CEP128: variants seen among roughly 807,000 people sequenced by gnomAD.
The protein encoded by CEP128 is centrosomal protein 128, also known as centrosomal protein 128kDa.
In CEP128, 132 loss-of-function variants were observed where a neutral mutation model predicts 156.7. The ratio of observed to expected loss-of-function variants is 0.84; its 90% CI spans 0.73 to 0.97. The LOEUF is 0.97. Ranked by LOEUF, CEP128 falls within the 50% of genes least tolerant of loss-of-function variation. The probability of loss-of-function intolerance (pLI) is 0.00; values close to 1 mark genes in which losing one functional copy is unlikely to be tolerated. For synonymous variants in CEP128, 469 were observed against 448.9 expected (o/e 1.04, Z -0.57); for missense variants, 1,252 against 1,281.9 (o/e 0.98, Z 0.36).
At chr14:80,873,094 A>C (rs946691794) in intron 8 of CEP128, among the ~76,000 whole-genome samples, 3 of 152,208 alleles carry the variant, frequency 2.0e-5, no homozygotes, top group African/African-American at 7.2e-5. Flanking sequence ...CTGAGTGTAC[A>C]ATTATGTGGG....
intron 16 of CEP128, among the ~76,000 whole-genome samples, chr14:80,767,797 G>A (rs971372540): frequency 1.3e-5 from 2 of 152,134 alleles, no homozygotes; most frequent in Non-Finnish European, 2.9e-5. Context: ...TGGCAAATGG[G>A]AACACTGGCC....
At chr14:80,501,497 C>CTTTTCT (rs915472710) in intron 24 of CEP128, among the ~76,000 whole-genome samples, 3 of 151,710 alleles carry the variant, frequency 2.0e-5, no homozygotes, top group African/African-American at 7.3e-5. Flanking sequence ...TTCTTTCTTT[C>CTTTTCT]TTTTCTTTTT....
rs118099922 is a variant in CEP128 at position 80,905,082 on chromosome 14, A to T, written c.362-151T>A. On this transcript the variant is annotated intron_variant, in intron 5 of 24. Transcript: ENST00000555265. ...TTCCCAAGTATCTTGCTATGGCCAT[A>T]AAGTTCCACCAAATTAGCATTAATC... 5,197 of 562,306 alleles carry T rather than the reference A, an allele frequency of 9.2e-3. 52 individuals are homozygous for T. Among genetic ancestry groups the T allele is most frequent in the Middle Eastern group, 0.013 (32 of 2,418 alleles). The allele number at this position is 562,306 out of a possible 1,614,324, so 34.8% of individuals were successfully genotyped here. A position where few individuals can be genotyped will look rare whatever the true frequency, so the allele number is the denominator to read the frequency against.
chr14:80,663,059 T>C (rs1895465313), intron 19 of CEP128, among the ~76,000 whole-genome samples: 1 of 152,230 alleles, frequency 6.6e-6, no homozygotes, highest in African/African-American at 2.4e-5. Context: ...TGTATTATGT[T>C]TTGTTACAGT....
chr14:80,956,229 A>G (rs1364923529), intron 2 of CEP128, among the ~76,000 whole-genome samples: 1 of 152,256 alleles, frequency 6.6e-6, no homozygotes, highest in Non-Finnish European at 1.5e-5. Context: ...TACCTTGGGT[A>G]ATAAAAAATT....
chr14:80,686,100 G>A (rs1376739903), intron 19 of CEP128, among the ~76,000 whole-genome samples: 2 of 151,880 alleles, frequency 1.3e-5, no homozygotes, highest in South Asian at 2.1e-4. Flanking sequence ...AAACAAAATT[G>A]ATTGGGGACT....
intron 18 of CEP128, among the ~76,000 whole-genome samples, chr14:80,754,730 C>T (rs184307540): frequency 9.2e-5 from 14 of 152,072 alleles, no homozygotes; most frequent in Admixed American, 7.2e-4. Context: ...CCAAAAGTGC[C>T]GGAATTACAG....
chr14:80,775,016 T>C (rs748437088), intron 16 of CEP128, among the ~76,000 whole-genome samples: 2 of 152,174 alleles, frequency 1.3e-5, no homozygotes, highest in Non-Finnish European at 2.9e-5. Context: ...ATTCCATATA[T>C]GCCAATTGGT....
chr14:80,821,996 G>T (rs1885214360), intron 13 of CEP128, among the ~76,000 whole-genome samples: 2 of 152,072 alleles, frequency 1.3e-5, no homozygotes, highest in African/African-American at 2.4e-5. Context: ...CAGATCTCAT[G>T]AGACTTATTC....
intron 19 of CEP128, among the ~76,000 whole-genome samples, chr14:80,700,636 C>T (rs987239259): frequency 6.6e-6 from 1 of 152,028 alleles, no homozygotes; most frequent in Admixed American, 6.6e-5. Flanking sequence ...CCTAGTCATT[C>T]CAACTACCTA....
chr14:80,590,292 C>T (rs910220113), intron 19 of CEP128, among the ~76,000 whole-genome samples: 1 of 151,996 alleles, frequency 6.6e-6, no homozygotes, highest in Non-Finnish European at 1.5e-5. Flanking sequence ...ATAAGGAAAT[C>T]CACATGAAGA....
Position 80,857,764 on chromosome 14 carries a change from AC to A in CEP128, c.762+4992del, listed in dbSNP as rs1248450295. Among the ~76,000 whole-genome samples, 45 of 151,664 alleles carry A rather than the reference AC, an allele frequency of 3.0e-4. 2 individuals are homozygous for A. In the East Asian group the frequency reaches 7.7e-3, roughly 26 times the overall value. Reference sequence around the variant, plus strand: ...AAAAACAACAACAACAACAACAACAACAACAAAAAACATGAATTGAATTAGT... The same window carrying A: ...AAAAACAACAACAACAACAACAACAAAACAAAAAACATGAATTGAATTAGT... On this transcript the variant is annotated intron_variant, in intron 9 of 24. Coordinates refer to ENST00000555265, the MANE Select transcript of CEP128 (RefSeq NM_152446.5).
At chr14:80,903,514 A>G (rs1883698980) in intron 6 of CEP128, among the ~76,000 whole-genome samples, 1 of 152,106 alleles carries the variant, frequency 6.6e-6, no homozygotes, top group South Asian at 2.1e-4. Flanking sequence ...TCACATCAAA[A>G]TATAAAGCTT....
chr14:80,948,050 C>A (rs995200726), intron 2 of CEP128, among the ~76,000 whole-genome samples: 7 of 150,142 alleles, frequency 4.7e-5, no homozygotes, highest in African/African-American at 1.7e-4. Flanking sequence ...ACAGAAGACA[C>A]CAAGTATGAT....
intron 18 of CEP128, among the ~76,000 whole-genome samples, chr14:80,746,825 T>C (rs1041610745): frequency 6.6e-6 from 1 of 152,214 alleles, no homozygotes; most frequent in Admixed American, 6.5e-5. Context: ...GCAGAAAATA[T>C]TTGCAACTCA....
intron 16 of CEP128, among the ~76,000 whole-genome samples, chr14:80,767,808 A>G (rs1381927953): frequency 6.6e-6 from 1 of 152,178 alleles, no homozygotes; most frequent in East Asian, 1.9e-4. Flanking sequence ...AACACTGGCC[A>G]TATGATTTGA....
Position 80,793,055 on chromosome 14 carries a change from C to A in CEP128, c.1265G>T (p.Arg422Leu). The stretch of plus-strand genomic sequence containing the variant: ...AAAGTGATTCTGGATCTCCTTAAGT[C>A]GATCCAACATCTGCAGTTGCTGTTT... ...GEKQQLQMLD[R>L]LKEIQNHFDT... The change falls in exon 14 of 25, where the codon CGA (arginine) becomes CTA (leucine). Residue 422 changes from arginine (R) to leucine (L), a missense_variant. Arg to Leu is a moderately radical substitution (Grantham distance 102). Transcript: ENST00000555265. 6.2e-7 allele frequency: 1 copy of A among 1,614,052 alleles called. No homozygotes were observed. Among genetic ancestry groups the A allele is most frequent in the Non-Finnish European group, 8.5e-7 (1 of 1,179,952 alleles).
intron 13 of CEP128, among the ~76,000 whole-genome samples, chr14:80,793,329 T>C (rs1278042242): frequency 2.0e-5 from 3 of 152,232 alleles, no homozygotes; most frequent in Non-Finnish European, 4.4e-5. Context: ...TCTTGGACTA[T>C]TTTATCATCC....
intron 7 of CEP128, among the ~76,000 whole-genome samples, chr14:80,896,055 T>G (rs887696349): frequency 6.6e-6 from 1 of 152,164 alleles, no homozygotes; most frequent in Non-Finnish European, 1.5e-5. Context: ...AACAGAGGTC[T>G]GCAGGTCTGG....
Sources: gnomAD v4.1 joint callset for allele counts (sites outside exome capture counted in the v4.1 genomes callset) on GRCh38, gnomAD v4.1.1 for gene constraint, MANE v1.5 for transcripts, NCBI Gene and HGNC (gene_info 2026-07-23, HGNC 2026-07-21) for gene names.